The following AIMP1 variants were observed in gnomAD, a reference collection of about 807,000 sequenced individuals.
The protein encoded by AIMP1 is aminoacyl tRNA synthetase complex interacting multifunctional protein 1.
In AIMP1, 24 loss-of-function variants were observed where a neutral mutation model predicts 33.1. The ratio of observed to expected loss-of-function variants is 0.73; its 90% CI spans 0.53 to 1.02. The LOEUF (loss-of-function observed/expected upper bound fraction) is 1.02, where lower values mean the gene tolerates loss of function less well. Among genes scored for constraint, AIMP1 ranks in the 50% least tolerant of loss-of-function variants. The pLI, the probability that AIMP1 is intolerant of heterozygous loss-of-function variation, is 0.00. For missense variants in AIMP1, 367 were observed against 364.8 expected, an observed-to-expected ratio of 1.01 and a Z score of -0.05; for synonymous variants, 120 against 121.5, an observed-to-expected ratio of 0.99 and a Z score of 0.08.
chr4:106,320,542 C>G (rs1237629987), intron 1 of AIMP1, among the ~76,000 whole-genome samples: 1 of 152,034 alleles, frequency 6.6e-6, no homozygotes, highest in Non-Finnish European at 1.5e-5. Flanking sequence ...ATTTCCAACA[C>G]TGTTAGCCCT....
In AIMP1 at chr4:106,336,971, A is replaced by G; in HGVS notation, c.706A>G (p.Ile236Val). Residue 236 changes from isoleucine (I) to valine (V), a missense_variant, in exon 6 of 7, where the codon ATT (isoleucine) becomes GTT (valine). Transcript: ENST00000672341. ...CATGTGTGCTAGTTCACCAGAGAAA[A>G]TTGAAATCTTGGCTCCTCCAAATGG... ...MVMCASSPEK[I>V]EILAPPNGSV... 1 of 1,614,140 alleles carries G rather than the reference A, an allele frequency of 6.2e-7. No individual in the cohort carries two copies.
intron 5 of AIMP1, among the ~76,000 whole-genome samples, 157 bp downstream of exon 5, chr4:106,332,040 G>A (rs1039733760): frequency 6.6e-6 from 1 of 151,862 alleles, no homozygotes; most frequent in African/African-American, 2.4e-5. Flanking sequence ...CACAAAAAAA[G>A]CATAAAACCA....
chr4:106,334,281 T>C (rs2125925142), intron 5 of AIMP1, among the ~76,000 whole-genome samples: 1 of 151,628 alleles, frequency 6.6e-6, no homozygotes, highest in African/African-American at 2.4e-5. Context: ...TTTTTCTTTT[T>C]TTTTTTTTTT....
intron 4 of AIMP1, 22 bp downstream of exon 4, chr4:106,328,265 A>G (rs368651969): frequency 1.3e-5 from 20 of 1,582,318 alleles, no homozygotes; most frequent in Non-Finnish European, 1.5e-5. Flanking sequence ...CTTTAAGCAT[A>G]TTTAGCTCTT....
At chr4:106,327,590 A>T (rs1311190283) in intron 3 of AIMP1, 26 bp downstream of exon 3, 2 of 1,557,442 alleles carry the variant, frequency 1.3e-6, no homozygotes, top group East Asian at 2.3e-5. Flanking sequence ...AAATTTGAGT[A>T]ATCCAGAAGT....
chr4:106,317,409 G>A (rs774640225), intron 1 of AIMP1, among the ~76,000 whole-genome samples: 1 of 152,170 alleles, frequency 6.6e-6, no homozygotes, highest in East Asian at 1.9e-4. Flanking sequence ...AAATGAAATA[G>A]GACTTTGGAG....
chr4:106,328,204 G>A lies in AIMP1; in HGVS notation c.352G>A (p.Gly118Arg), dbSNP rs1579633599. The A allele has an allele frequency of 6.2e-7, 1 of 1,612,174 alleles. No individual in the cohort carries two copies. The highest frequency in any genetic ancestry group is 2.2e-5 in the East Asian group (1 of 44,788). Residue 118 changes from glycine (G) to arginine (R), a missense_variant, in exon 4 of 7, where the codon GGA becomes AGA. Coordinates refer to ENST00000672341, the MANE Select transcript of AIMP1 (RefSeq NM_001142416.2). ...GTKEQIKGGT[G>R]DEKKAKEKIE... Reference sequence around the variant, plus strand: ...CAAAGAACAGATAAAAGGAGGAACAGGAGACGAAAAGAAAGCGAAAGAGAA... The same window carrying A: ...CAAAGAACAGATAAAAGGAGGAACAAGAGACGAAAAGAAAGCGAAAGAGAA...
chr4:106,341,745 T>C (rs1770107371), intron 6 of AIMP1, among the ~76,000 whole-genome samples: 1 of 152,036 alleles, frequency 6.6e-6, no homozygotes, highest in African/African-American at 2.4e-5. Context: ...TATGTTCTTT[T>C]TGCTTAGAAT....
intron 4 of AIMP1, among the ~76,000 whole-genome samples, chr4:106,329,855 G>T (rs182054690): frequency 7.3e-6 from 1 of 137,020 alleles, no homozygotes; most frequent in African/African-American, 2.7e-5. Flanking sequence ...GCATAATCTC[G>T]GCTCACTGCA....
intron 1 of AIMP1, among the ~76,000 whole-genome samples, chr4:106,323,263 A>G (rs1205201056): frequency 6.6e-6 from 1 of 152,114 alleles, no homozygotes; most frequent in Non-Finnish European, 1.5e-5. Context: ...TCTATTTTCA[A>G]AATTACTGTT....
chr4:106,342,857 T>C (rs569964291), intron 6 of AIMP1, among the ~76,000 whole-genome samples: 4 of 151,976 alleles, frequency 2.6e-5, no homozygotes, highest in African/African-American at 9.7e-5. Flanking sequence ...TGGTACCAGT[T>C]CTTTGTACAT....
chr4:106,327,043 C>T (rs1459051529), intron 2 of AIMP1, among the ~76,000 whole-genome samples: 1 of 152,166 alleles, frequency 6.6e-6, no homozygotes, highest in East Asian at 1.9e-4. Flanking sequence ...TTTGAAAGTG[C>T]TGGGATTATG....
At chr4:106,321,763 A>G (rs1050856823) in intron 1 of AIMP1, among the ~76,000 whole-genome samples, 2 of 152,212 alleles carry the variant, frequency 1.3e-5, no homozygotes. Context: ...AAAAGGGGGA[A>G]ATGTGGGGAA....
intron 6 of AIMP1, among the ~76,000 whole-genome samples, chr4:106,342,707 T>C (rs371900495): frequency 2.6e-4 from 40 of 152,278 alleles, no homozygotes; most frequent in African/African-American, 8.9e-4. Flanking sequence ...ATGACTTTTG[T>C]GTTAGTGTTC....
At chr4:106,327,363 G>A in intron 2 of AIMP1, 88 bp from the exon 3 acceptor site, 3 of 933,390 alleles carry the variant, frequency 3.2e-6, no homozygotes, top group African/African-American at 3.3e-5. Context: ...TATCCTAGCT[G>A]TAGTTATACT....
In AIMP1 at chr4:106,349,075, A is replaced by G. The variant is rs1325278629; in HGVS notation, c.*1383A>G. 3.9e-5 allele frequency: 6 copies of G among 152,114 alleles called. No individual in the cohort carries two copies. Among genetic ancestry groups the G allele is most frequent in the Admixed American group, 1.3e-4 (2 of 15,256 alleles). The allele number at this position is 152,114 out of a possible 1,614,324, so 9.4% of individuals were successfully genotyped here. ...CCATGGAACTCTGGTAGGCCAGGAT[A>G]TATTATAGTACCATTATCAATGTGA... On this transcript the variant is annotated 3_prime_UTR_variant, in exon 7 of 7. Coordinates refer to ENST00000672341, the MANE Select transcript of AIMP1 (RefSeq NM_001142416.2).
At chr4:106,332,641 A>G (rs1769725587) in intron 5 of AIMP1, among the ~76,000 whole-genome samples, 1 of 148,630 alleles carries the variant, frequency 6.7e-6, no homozygotes. Flanking sequence ...ACATATATAT[A>G]TAAGTTGGTT....
At chr4:106,343,872 T>G (rs1164584589) in intron 6 of AIMP1, among the ~76,000 whole-genome samples, 1 of 152,226 alleles carries the variant, frequency 6.6e-6, no homozygotes, top group Non-Finnish European at 1.5e-5. Flanking sequence ...CGAGTCGTAT[T>G]AATAGTAGAA....
chr4:106,337,669 C>T (rs1040397107), intron 6 of AIMP1, among the ~76,000 whole-genome samples: 2 of 152,028 alleles, frequency 1.3e-5, no homozygotes, highest in Non-Finnish European at 2.9e-5. Context: ...TAAAGATATC[C>T]GAAAGTGTGG....
Sources: gnomAD v4.1 joint callset for allele counts (sites outside exome capture counted in the v4.1 genomes callset) on GRCh38, gnomAD v4.1.1 for gene constraint, MANE v1.5 for transcripts, NCBI Gene and HGNC (gene_info 2026-07-23, HGNC 2026-07-21) for gene names.